The following ALOX15 variants were observed in gnomAD, a reference collection of about 807,000 sequenced individuals.
ALOX15 encodes arachidonate 15-lipoxygenase.
A neutral mutation model predicts 71.7 loss-of-function variants in ALOX15; 68 were observed. The observed-to-expected ratio is 0.95, with a 90% CI of 0.78 to 1.16. The LOEUF (loss-of-function observed/expected upper bound fraction) is 1.16. Ranked by LOEUF, ALOX15 falls within the 50% of genes most tolerant of loss-of-function variation. The probability of loss-of-function intolerance (pLI) is 0.00; values close to 1 mark genes in which losing one functional copy is unlikely to be tolerated. For synonymous variants in ALOX15, 346 were observed against 333.3 expected (o/e 1.04, Z -0.42); for missense variants, 798 against 818.8 (o/e 0.97, Z 0.31).
chr17:4,636,026 C>T (rs1911084062), intron 7 of ALOX15, 58 bp from the exon 8 acceptor site: 16 of 1,554,474 alleles, frequency 1.0e-5, no homozygotes, highest in South Asian at 7.9e-5. Flanking sequence ...TCAGCGATTC[C>T]CGCCCCCCTT....
intron 13 of ALOX15, 28 bp from the exon 14 acceptor site, chr17:4,631,807 G>A: frequency 6.2e-7 from 1 of 1,613,100 alleles, no homozygotes; most frequent in South Asian, 1.1e-5. Context: ...AGGTGGCTGA[G>A]AGCCTTATGA....
In ALOX15 at chr17:4,631,942, C is replaced by G. The variant is rs748113115; in HGVS notation, c.1756G>C (p.Ala586Pro). The change falls in exon 13 of 14, where the codon GCT becomes CCT. Residue 586 changes from alanine (A) to proline (P), a missense_variant. By Grantham distance (27) the Ala-to-Pro change is conservative (BLOSUM62 -1). Coordinates refer to ENST00000293761, the MANE Select transcript of ALOX15 (RefSeq NM_001140.5). ...VMATLPNFHQ[A>P]SLQMSITWQL... is the part of the protein sequence containing the mutation. ...CAAGTGATGGACATCTGGAGAGAAGCCTGGTGGAAGTTGGGCAGTGTCGCC... is the reference window on the plus strand; with the variant it reads ...CAAGTGATGGACATCTGGAGAGAAGGCTGGTGGAAGTTGGGCAGTGTCGCC... The G allele has an allele frequency of 5.0e-6, 8 of 1,613,994 alleles. No individual in the cohort carries two copies. Among genetic ancestry groups the G allele is most frequent in the Non-Finnish European group, 5.9e-6 (7 of 1,180,040 alleles).
At chr17:4,637,747 T>G (rs8066248) in intron 6 of ALOX15, among the ~76,000 whole-genome samples, 64,279 of 151,620 alleles carry the variant, frequency 0.42, 15,122 homozygotes, top group South Asian at 0.57. Flanking sequence ...AGCCTCAATT[T>G]TACAGAAGAG....
Position 4,631,984 on chromosome 17 carries a change from T to G in ALOX15, c.1714A>C (p.Thr572Pro), listed in dbSNP as rs764593975. The G allele has an allele frequency of 6.2e-7, 1 of 1,614,088 alleles. No homozygotes were observed. The highest frequency in any genetic ancestry group is 1.1e-5 in the South Asian group (1 of 91,068). ...AGTGTCGCCATCACTGTCTCCAGCG[T>G]TGCATCCTTGGTGGTTGGCGGGGGC... Reference protein sequence around the residue: ...RLPPPTTKDATLETVMATLPN... With the variant: ...RLPPPTTKDAPLETVMATLPN... The change falls in exon 13 of 14, where the codon ACG becomes CCG. Residue 572 changes from threonine (T) to proline (P), a missense_variant. Thr to Pro is a conservative substitution (Grantham distance 38, BLOSUM62 -1). This residue lies in a region of ALOX15 where 490 missense variants were observed against 509.4 expected (regional missense o/e 0.96). Coordinates refer to ENST00000293761, the MANE Select transcript of ALOX15 (RefSeq NM_001140.5).
At position 4,637,206 on chromosome 17, in the gene ALOX15, T is replaced by G; in HGVS notation, c.860A>C (p.Asn287Thr). 6.2e-7 allele frequency: 1 copy of G among 1,613,988 alleles called. No homozygotes were observed. The highest frequency in any genetic ancestry group is 8.5e-7 in the Non-Finnish European group (1 of 1,179,926). Reference protein sequence around the residue: ...DFSLLDGIKANVILCSQQHLA... With the variant: ...DFSLLDGIKATVILCSQQHLA... Reference sequence around the variant, plus strand: ...GTGCTGCTGGCTACAGAGAATGACGTTGGCCTTGATCCCATCCAGCAGGGA... The same window carrying G: ...GTGCTGCTGGCTACAGAGAATGACGGTGGCCTTGATCCCATCCAGCAGGGA... Residue 287 changes from asparagine (N) to threonine (T), a missense_variant, in exon 7 of 14, where the codon AAC becomes ACC. Asn to Thr is a moderately conservative substitution (Grantham distance 65). This residue lies in a region of ALOX15 where 490 missense variants were observed against 509.4 expected (regional missense o/e 0.96). Transcript: ENST00000293761.
chr17:4,641,305 G>A (rs537463400), intron 1 of ALOX15, among the ~76,000 whole-genome samples: 14 of 152,278 alleles, frequency 9.2e-5, no homozygotes, highest in East Asian at 3.9e-4. Context: ...CAAGGAGATC[G>A]GGTAGCGGCA....
At chr17:4,637,923 T>C (rs532370590) in intron 6 of ALOX15, among the ~76,000 whole-genome samples, 1 of 151,884 alleles carries the variant, frequency 6.6e-6, no homozygotes, top group African/African-American at 2.4e-5. Context: ...TGATCCTGAC[T>C]CTCTTACTCT....
chr17:4,634,743 C>T (rs188477297), intron 8 of ALOX15, among the ~76,000 whole-genome samples: 2 of 151,908 alleles, frequency 1.3e-5, no homozygotes, highest in Admixed American at 1.3e-4. Context: ...CTTTGGGAGG[C>T]CGAGGTGGGC....
At position 4,631,476 on chromosome 17, in the gene ALOX15, T is replaced by TGC; in HGVS notation, c.*122_*123dup. 1 of 1,156,302 alleles carries TGC rather than the reference T, an allele frequency of 8.6e-7. No homozygotes were observed. Among genetic ancestry groups the TGC allele is most frequent in the Non-Finnish European group, 1.2e-6 (1 of 835,928 alleles). 71.6% of individuals were successfully genotyped at this position (1,156,302 alleles called of 1,614,324 possible). ...ACTGGGTGCAGAGACCATGAAAAGG[T>TGC]GCCCCTCTAGGGAGGGTGGGACATG... On this transcript the variant is annotated 3_prime_UTR_variant, in exon 14 of 14. Transcript: ENST00000293761.
At position 4,632,938 on chromosome 17, in the gene ALOX15, GC is replaced by G; in HGVS notation, c.1462del (p.Ala488LeufsTer2). On this transcript the variant is annotated frameshift_variant, in exon 11 of 14. Coordinates refer to ENST00000293761, the MANE Select transcript of ALOX15 (RefSeq NM_001140.5). LOFTEE classifies it high-confidence loss of function. The stretch of plus-strand genomic sequence containing the variant: ...CTGCAGCTCTGGGTCGTCTTTCACA[GC>G]CACGTCTGTCTTATAGTGGAGACTC... ...IVSLHYKTDV[A>X]VKDDPELQTW... 1 of 1,614,116 alleles carries G rather than the reference GC, an allele frequency of 6.2e-7. No individual in the cohort carries two copies. Among genetic ancestry groups the G allele is most frequent in the South Asian group, 1.1e-5 (1 of 91,080 alleles).
chr17:4,637,390 T>G, intron 6 of ALOX15, 132 bp from the exon 7 acceptor site: 1 of 1,064,224 alleles, frequency 9.4e-7, no homozygotes, highest in Non-Finnish European at 1.3e-6. Context: ...ATGGATCATG[T>G]GCTTACTTCC....
rs747817208 is a variant in ALOX15, at chr17:4,639,530, G to A, written c.237C>T (p.Asn79=). The change falls in exon 2 of 14, where the codon AAC becomes AAT. Residue 79 remains asparagine, a synonymous_variant. Transcript: ENST00000293761. ...CTCCGGGGCCCTGCACAGAGATCCA[G>A]TTGCAGAACCAGGCGTCGTCCTTAA... ...HLLKDDAWFC[N]WISVQGPGAG... The A allele has an allele frequency of 3.7e-6, 6 of 1,613,952 alleles. No homozygotes were observed. The South Asian group carries it at 4.4e-5, about 12-fold the overall frequency.
intron 6 of ALOX15, 54 bp downstream of exon 6, chr17:4,638,163 C>T: frequency 3.5e-6 from 2 of 574,958 alleles, no homozygotes; most frequent in Non-Finnish European, 6.3e-6. Context: ...GCATCATTGG[C>T]ACTAGGCCAC....
chr17:4,639,378 C>T, intron 2 of ALOX15, 52 bp downstream of exon 2: 1 of 1,602,874 alleles, frequency 6.2e-7, no homozygotes, highest in Non-Finnish European at 8.5e-7. Flanking sequence ...CGCATCCCCC[C>T]AGCTTCTCAC....
At chr17:4,634,057 G>C (rs978130062) in intron 8 of ALOX15, among the ~76,000 whole-genome samples, 1 of 152,150 alleles carries the variant, frequency 6.6e-6, no homozygotes, top group Admixed American at 6.5e-5. Context: ...GGAGTGAGGG[G>C]ATCCAAAAAC....
At chr17:4,638,821 C>T (rs1342338120) in intron 4 of ALOX15, 29 bp downstream of exon 4, 5 of 1,613,750 alleles carry the variant, frequency 3.1e-6, no homozygotes, top group Non-Finnish European at 3.4e-6. Flanking sequence ...AGGACACCTC[C>T]CTCTCACCCA....
intron 13 of ALOX15, 44 bp from the exon 14 acceptor site, chr17:4,631,823 A>G (rs746739564): frequency 1.9e-6 from 3 of 1,610,926 alleles, no homozygotes. Flanking sequence ...TATGACCCCC[A>G]GTCTGGGATG....
In ALOX15 at chr17:4,638,855, G is replaced by A; in HGVS notation, c.537C>T (p.Ala179=). ...DKRVDFEVSL[A]KGLADLAIKD... ...CAGCCTCCCCTTGCTCTCACCCCTTGGCCAGCGAAACCTCAAAGTCAACTC... is the reference window on the plus strand; with the variant it reads ...CAGCCTCCCCTTGCTCTCACCCCTTAGCCAGCGAAACCTCAAAGTCAACTC... The change falls in exon 4 of 14, where the codon GCC becomes GCT. Residue 179 remains alanine (A), a synonymous_variant. Transcript: ENST00000293761. 4.3e-6 allele frequency: 7 copies of A among 1,614,160 alleles called. No individual in the cohort carries two copies. The highest frequency in any genetic ancestry group is 5.9e-6 in the Non-Finnish European group (7 of 1,180,030).
chr17:4,637,045 T>TG, intron 7 of ALOX15, 70 bp downstream of exon 7: 1 of 1,539,088 alleles, frequency 6.5e-7, no homozygotes, highest in Non-Finnish European at 8.8e-7. Context: ...TGGTGCTCAG[T>TG]AAATTTTGAT....
Sources: gnomAD v4.1 joint callset for allele counts (sites outside exome capture counted in the v4.1 genomes callset) on GRCh38, gnomAD v4.1.1 for gene constraint, gnomAD v4.1.1 regional missense constraint, MANE v1.5 for transcripts, NCBI Gene and HGNC (gene_info 2026-07-23, HGNC 2026-07-21) for gene names.